Variants in NRXN1 observed in about 807,000 individuals in gnomAD.
NRXN1 encodes neurexin-1.
NRXN1 carries 39 observed loss-of-function variants against 150.9 expected under a neutral mutation model. The observed-to-expected ratio is 0.26, with a 90% confidence interval of 0.20 to 0.34. NRXN1 has a LOEUF of 0.34. NRXN1 is among the 10% of genes least tolerant of loss of function. The probability of loss-of-function intolerance (pLI) is 1.00; values close to 1 mark genes in which losing one functional copy is unlikely to be tolerated. For missense variants in NRXN1, 1,815 were observed against 1,949.9 expected (o/e 0.93, Z 1.30); for synonymous variants, 924 against 757.0 (o/e 1.22, Z -3.62).
At chr2:50,302,788 T>A (rs73930338) in intron 17 of NRXN1, among the ~76,000 whole-genome samples, 1,872 of 152,264 alleles carry the variant, frequency 0.012, 37 homozygotes, top group African/African-American at 0.043. Flanking sequence ...ATTTAGGGTA[T>A]CCCTACACTA....
At chr2:50,925,911 T>A (rs1446772934) in intron 3 of NRXN1, 27 bp downstream of exon 3, 3 of 1,551,662 alleles carry the variant, frequency 1.9e-6, no homozygotes, top group Non-Finnish European at 2.6e-6. Context: ...AAATGAGAGT[T>A]GGAAAAATAA....
intron 17 of NRXN1, among the ~76,000 whole-genome samples, chr2:50,353,620 T>G (rs1464405020): frequency 2.0e-5 from 3 of 152,150 alleles, no homozygotes; most frequent in African/African-American, 7.2e-5. Context: ...AAACACACAA[T>G]AAATATGTTA....
chr2:50,821,108 G>C (rs1233314689), intron 5 of NRXN1, among the ~76,000 whole-genome samples: 2 of 152,098 alleles, frequency 1.3e-5, no homozygotes, highest in Non-Finnish European at 2.9e-5. Context: ...TGAGAAAACT[G>C]AAGTTCAGAG....
chr2:49,938,557 A>G (rs1167969840), intron 22 of NRXN1, among the ~76,000 whole-genome samples: 1 of 151,884 alleles, frequency 6.6e-6, no homozygotes, highest in African/African-American at 2.4e-5. Context: ...TTTATTATTC[A>G]ATGGAACTCT....
chr2:50,395,260 C>G (rs1321693903), intron 17 of NRXN1, among the ~76,000 whole-genome samples: 1 of 151,650 alleles, frequency 6.6e-6, no homozygotes, highest in Admixed American at 6.6e-5. Context: ...AAATTAAAGA[C>G]TACGAGATTG....
At chr2:50,599,577 T>G (rs563574116) in intron 8 of NRXN1, among the ~76,000 whole-genome samples, 1 of 152,282 alleles carries the variant, frequency 6.6e-6, no homozygotes, top group East Asian at 1.9e-4. Flanking sequence ...AAGAGGACTT[T>G]TAAGTTAAAG....
At chr2:50,143,076 G>C (rs1051038926) in intron 18 of NRXN1, among the ~76,000 whole-genome samples, 1 of 150,884 alleles carries the variant, frequency 6.6e-6, no homozygotes, top group African/African-American at 2.4e-5. Context: ...GTTAGGTTGA[G>C]AACTAAACCA....
In NRXN1 at chr2:49,960,292, T is replaced by G. The variant is rs1050613947; in HGVS notation, c.4129-16501A>C. Among the ~76,000 whole-genome samples the G allele has an allele frequency of 9.2e-5, 14 of 152,336 alleles. No homozygotes were observed. In the South Asian group the frequency reaches 2.9e-3, roughly 32 times the overall value. On this transcript the variant is annotated intron_variant, in intron 21 of 22. Coordinates refer to ENST00000401669, the MANE Select transcript of NRXN1 (RefSeq NM_001330078.2). ...AAGGTTTGGAAATAACTATCTGTGTTGCTTATAGCAACCAGAAACCACAAA... is the reference window on the plus strand; with the variant it reads ...AAGGTTTGGAAATAACTATCTGTGTGGCTTATAGCAACCAGAAACCACAAA...
chr2:50,202,331 C>T (rs914273098), intron 18 of NRXN1, among the ~76,000 whole-genome samples: 5 of 152,110 alleles, frequency 3.3e-5, no homozygotes, highest in African/African-American at 9.7e-5. Flanking sequence ...ACGGTGAAAC[C>T]CCGTCTCTAC....
At chr2:50,637,013 G>T (rs1486283692) in intron 5 of NRXN1, among the ~76,000 whole-genome samples, 1 of 152,052 alleles carries the variant, frequency 6.6e-6, no homozygotes, top group Non-Finnish European at 1.5e-5. Context: ...TTCCCTATGG[G>T]CTCCATGGAT....
chr2:50,830,711 C>T (rs1057085961), intron 5 of NRXN1, among the ~76,000 whole-genome samples: 3 of 149,316 alleles, frequency 2.0e-5, no homozygotes, highest in African/African-American at 7.4e-5. Flanking sequence ...TATAATACAT[C>T]TCCTCCCATA....
intron 18 of NRXN1, among the ~76,000 whole-genome samples, chr2:50,148,239 C>G (rs1194888421): frequency 1.3e-5 from 2 of 151,506 alleles, no homozygotes; most frequent in Non-Finnish European, 3.0e-5. Flanking sequence ...ATTGTGGACT[C>G]TAGAGGCAAC....
chr2:50,030,550 C>G (rs1689033157), intron 21 of NRXN1, among the ~76,000 whole-genome samples: 1 of 152,136 alleles, frequency 6.6e-6, no homozygotes, highest in African/African-American at 2.4e-5. Flanking sequence ...CTCTTAAAAA[C>G]TGTCCAACAC....
At chr2:50,562,993 G>GT (rs770141741) in intron 8 of NRXN1, among the ~76,000 whole-genome samples, 53 of 151,810 alleles carry the variant, frequency 3.5e-4, no homozygotes, top group Non-Finnish European at 6.9e-4. Context: ...AATTTCGCAC[G>GT]TTTTTTCCTT....
chr2:50,308,277 CCTG>C (rs1162945198), intron 17 of NRXN1, among the ~76,000 whole-genome samples: 2 of 152,014 alleles, frequency 1.3e-5, no homozygotes, highest in Non-Finnish European at 2.9e-5. Flanking sequence ...CCTCCCTGAC[CCTG>C]CTAACTACCT....
chr2:50,935,498 G>A (rs965263562), intron 2 of NRXN1, among the ~76,000 whole-genome samples: 1 of 152,152 alleles, frequency 6.6e-6, no homozygotes. Flanking sequence ...ACTTCGGGAG[G>A]CCAAGGCAGG....
chr2:50,344,477 G>T (rs766195485), intron 17 of NRXN1, among the ~76,000 whole-genome samples: 1 of 151,952 alleles, frequency 6.6e-6, no homozygotes, highest in Non-Finnish European at 1.5e-5. Flanking sequence ...ACACAAACAC[G>T]ACCATACAAC....
intron 19 of NRXN1, among the ~76,000 whole-genome samples, chr2:50,059,840 G>A (rs1044252532): frequency 5.9e-5 from 9 of 152,194 alleles, no homozygotes; most frequent in Admixed American, 5.9e-4. Flanking sequence ...AAGAAGTCAA[G>A]TATTGAGGTT....
intron 17 of NRXN1, among the ~76,000 whole-genome samples, chr2:50,270,681 T>C (rs2069484486): frequency 6.6e-6 from 1 of 151,872 alleles, no homozygotes; most frequent in Non-Finnish European, 1.5e-5. Flanking sequence ...TAGTTTTTTT[T>C]TTTTTTTGAA....
Sources: allele counts gnomAD v4.1 joint callset (sites outside exome capture counted in the v4.1 genomes callset), GRCh38; gene constraint gnomAD v4.1.1; transcripts MANE v1.5; gene names NCBI Gene and HGNC (gene_info 2026-07-23, HGNC 2026-07-21).